Variants in GRB14 observed in about 807,000 individuals in gnomAD.
The protein encoded by GRB14 is growth factor receptor-bound protein 14.
GRB14 carries 38 observed loss-of-function variants against 69.1 expected under a neutral mutation model. That is an observed-to-expected ratio of 0.55 (90% CI 0.42 to 0.72). GRB14 has a LOEUF of 0.72. Ranked by LOEUF, GRB14 falls within the 30% of genes least tolerant of loss-of-function variation. GRB14 has a pLI of 0.00. For synonymous variants in GRB14, 247 were observed against 241.3 expected (o/e 1.02, Z -0.22); for missense variants, 666 against 666.1 (o/e 1.00, Z 0.00).
At chr2:164,556,874 A>G (rs1357119) in intron 2 of GRB14, among the ~76,000 whole-genome samples, 79,501 of 152,094 alleles carry the variant, frequency 0.52, 24,335 homozygotes, top group Non-Finnish European at 0.69. Context: ...GCGACAGTCA[A>G]AACGATTCCT....
chr2:164,614,119 C>T (rs552801334), intron 2 of GRB14, among the ~76,000 whole-genome samples: 1 of 152,134 alleles, frequency 6.6e-6, no homozygotes, highest in Non-Finnish European at 1.5e-5. Flanking sequence ...GTAAAGCCTG[C>T]TTCAACACTG....
intron 6 of GRB14, among the ~76,000 whole-genome samples, chr2:164,518,914 G>A (rs1388659644): frequency 6.6e-6 from 1 of 151,992 alleles, no homozygotes; most frequent in African/African-American, 2.4e-5. Context: ...AGGACCAGAT[G>A]GATTCACAGC....
chr2:164,614,197 G>C (rs1690231363), intron 2 of GRB14, among the ~76,000 whole-genome samples: 1 of 152,220 alleles, frequency 6.6e-6, no homozygotes. Context: ...GCACTCAAAA[G>C]TAGCAAATTG....
intron 2 of GRB14, among the ~76,000 whole-genome samples, chr2:164,577,567 G>C (rs1334107026): frequency 1.3e-5 from 2 of 152,144 alleles, no homozygotes; most frequent in Non-Finnish European, 2.9e-5. Flanking sequence ...AGCCTCCTCA[G>C]CCATGCCTCC....
Position 164,621,174 on chromosome 2 carries a change from G to C in GRB14, c.136C>G (p.His46Asp), listed in dbSNP as rs1690451515. 8.0e-7 allele frequency: 1 copy of C among 1,243,948 alleles called. No homozygotes were observed. The highest frequency in any genetic ancestry group is 4.2e-5 in the Admixed American group (1 of 23,706). The allele number at this position is 1,243,948 out of a possible 1,614,324, so 77.1% of individuals were successfully genotyped here. A position where few individuals can be genotyped will look rare whatever the true frequency, so the allele number is the denominator to read the frequency against. ...GGAAGGGGCAGGAGCGCTCGCGCGT[G>C]CAGCCAGGGGGCCGGCGCCAGGTCG... The part of the protein sequence containing the change: ...AHDLAPAPWL[H>D]ARALLPLPDG... The change falls in exon 1 of 14, where the codon CAC becomes GAC. Residue 46 changes from histidine (H) to aspartate (D), a missense_variant. By Grantham distance (81) the His-to-Asp change is moderately conservative (BLOSUM62 -1). Coordinates refer to ENST00000263915, the MANE Select transcript of GRB14 (RefSeq NM_004490.3). The surrounding 1 kb of genome is among the most constrained non-coding windows in gnomAD (Gnocchi z 6.0).
intron 3 of GRB14, among the ~76,000 whole-genome samples, chr2:164,539,283 T>C (rs1219719472): frequency 2.0e-5 from 3 of 152,072 alleles, no homozygotes; most frequent in Admixed American, 1.3e-4. Context: ...AAGACCAGCC[T>C]AGCCAACATA....
At chr2:164,592,699 T>A (rs555029652) in intron 2 of GRB14, among the ~76,000 whole-genome samples, 1 of 152,228 alleles carries the variant, frequency 6.6e-6, no homozygotes, top group Non-Finnish European at 1.5e-5. Context: ...CTAATGACAT[T>A]GTAAGACTTC....
chr2:164,507,255 G>A (rs955522505), intron 8 of GRB14, among the ~76,000 whole-genome samples: 8 of 152,078 alleles, frequency 5.3e-5, no homozygotes, highest in African/African-American at 1.9e-4. Context: ...GGTAAAAATG[G>A]CAAAGGCAGA....
chr2:164,575,740 G>A (rs1689236262), intron 2 of GRB14, among the ~76,000 whole-genome samples: 1 of 152,112 alleles, frequency 6.6e-6, no homozygotes, highest in African/African-American at 2.4e-5. Context: ...AAGGAAATAA[G>A]AGGATTAAGA....
intron 2 of GRB14, among the ~76,000 whole-genome samples, chr2:164,618,517 C>A (rs1439306238): frequency 6.6e-6 from 1 of 152,068 alleles, no homozygotes. Flanking sequence ...TTCAAAGATG[C>A]CAATTCAGAA....
At chr2:164,551,978 T>A (rs1688551642) in intron 2 of GRB14, among the ~76,000 whole-genome samples, 1 of 152,162 alleles carries the variant, frequency 6.6e-6, no homozygotes, top group Admixed American at 6.5e-5. Flanking sequence ...TACAGTCATG[T>A]CAGAAGACAA....
At chr2:164,497,344 A>G in intron 10 of GRB14, 30 bp downstream of exon 10, 1 of 1,604,374 alleles carries the variant, frequency 6.2e-7, no homozygotes, top group East Asian at 2.2e-5. Context: ...GAAATCATAA[A>G]TATTTTGAAG....
At chr2:164,554,343 TGAG>T (rs1225244330) in intron 2 of GRB14, among the ~76,000 whole-genome samples, 5 of 152,048 alleles carry the variant, frequency 3.3e-5, no homozygotes, top group Non-Finnish European at 7.4e-5. Flanking sequence ...TGCTTTAGAG[TGAG>T]GAGTATATTA....
At chr2:164,609,802 C>T (rs564569218) in intron 2 of GRB14, among the ~76,000 whole-genome samples, 41 of 152,256 alleles carry the variant, frequency 2.7e-4, no homozygotes, top group African/African-American at 9.6e-4. Flanking sequence ...CATGGAAGAA[C>T]TGAAGTCAAA....
intron 8 of GRB14, among the ~76,000 whole-genome samples, chr2:164,507,310 GA>G (rs1687216781): frequency 6.6e-6 from 1 of 152,118 alleles, no homozygotes; most frequent in African/African-American, 2.4e-5. Flanking sequence ...CAAATCAATT[GA>G]AAAGTTTACT....
At chr2:164,527,174 CAAATATATATATAT>C in intron 3 of GRB14, 39 bp from the exon 4 acceptor site, 7 of 330,868 alleles carry the variant, frequency 2.1e-5, no homozygotes, top group Admixed American at 5.6e-5. Context: ...GACAGATAGA[CAAATATATATATAT>C]ATATATATAT....
intron 6 of GRB14, among the ~76,000 whole-genome samples, chr2:164,515,843 A>C (rs1206765042): frequency 6.6e-6 from 1 of 151,898 alleles, no homozygotes; most frequent in African/African-American, 2.4e-5. Flanking sequence ...TGAAGGGAAA[A>C]ATCTTCAGTG....
chr2:164,556,927 A>T (rs1027786208), intron 2 of GRB14, among the ~76,000 whole-genome samples: 1 of 128,706 alleles, frequency 7.8e-6, no homozygotes, highest in Non-Finnish European at 1.9e-5. Context: ...TGTATGAGAC[A>T]GTATTAGTGA....
chr2:164,522,271 C>T (rs1687654445), intron 5 of GRB14, among the ~76,000 whole-genome samples, 154 bp from the exon 6 acceptor site: 1 of 151,982 alleles, frequency 6.6e-6, no homozygotes, highest in Admixed American at 6.6e-5. Flanking sequence ...TTTGTGTATA[C>T]TGCATTGCTT....
Sources: allele counts gnomAD v4.1 joint callset (sites outside exome capture counted in the v4.1 genomes callset), GRCh38; gene constraint gnomAD v4.1.1; non-coding constraint Gnocchi (gnomAD v3.1); transcripts MANE v1.5; gene names NCBI Gene and HGNC (gene_info 2026-07-23, HGNC 2026-07-21).